Variants in CRACD observed in about 807,000 individuals in gnomAD.
CRACD encodes capping protein-inhibiting regulator of actin dynamics.
Under a neutral mutation model 106.8 loss-of-function variants are expected in CRACD, and 56 were observed. The ratio of observed to expected loss-of-function variants is 0.52; its 90% CI spans 0.42 to 0.66. The LOEUF (loss-of-function observed/expected upper bound fraction) is 0.66, where lower values mean the gene tolerates loss of function less well. CRACD is among the 30% of genes least tolerant of loss of function. The pLI, the probability that CRACD is intolerant of heterozygous loss-of-function variation, is 0.00. For missense variants in CRACD, 1,730 were observed against 1,623.2 expected, an observed-to-expected ratio of 1.07 and a Z score of -1.13; for synonymous variants, 754 against 670.8, an observed-to-expected ratio of 1.12 and a Z score of -1.92.
intron 2 of CRACD, among the ~76,000 whole-genome samples, chr4:56,221,163 G>C (rs1196134979): frequency 1.3e-5 from 2 of 152,134 alleles, no homozygotes; most frequent in Non-Finnish European, 2.9e-5. Flanking sequence ...TGTAAATTTT[G>C]AAGCATGATC....
At chr4:56,189,512 A>G (rs1357303030) in intron 2 of CRACD, among the ~76,000 whole-genome samples, 1 of 149,740 alleles carries the variant, frequency 6.7e-6, no homozygotes, top group Non-Finnish European at 1.5e-5. Context: ...CTCGTCATTT[A>G]GCATTAGGTA....
chr4:56,158,398 A>ATTT lies in CRACD; in HGVS notation c.-335-20886_-335-20885insTTT, dbSNP rs1560466972. Among the ~76,000 whole-genome samples the ATTT allele has an allele frequency of 1.0e-3, 157 of 151,038 alleles. 1 individual carries two copies. Among genetic ancestry groups the ATTT allele is most frequent in the Admixed American group, 3.2e-3 (48 of 15,168 alleles). On this transcript the variant is annotated intron_variant, in intron 1 of 10. Transcript: ENST00000682029. ...AATAAATTTATGGTATTTTTTTTTA[A>ATTT]AAATAATTCCTCTAAAGGAAAGAAC...
At chr4:56,203,559 A>C (rs1737984894) in intron 2 of CRACD, among the ~76,000 whole-genome samples, 1 of 152,104 alleles carries the variant, frequency 6.6e-6, no homozygotes, top group Non-Finnish European at 1.5e-5. Flanking sequence ...CCAGAGTTGC[A>C]TATTGAACTG....
At chr4:56,238,300 G>A (rs1485475233) in intron 2 of CRACD, among the ~76,000 whole-genome samples, 3 of 152,216 alleles carry the variant, frequency 2.0e-5, no homozygotes, top group African/African-American at 7.2e-5. Context: ...AGAACAGCTA[G>A]GACAGCTGGC....
At chr4:56,251,179 G>A (rs989690405) in intron 2 of CRACD, among the ~76,000 whole-genome samples, 1 of 152,188 alleles carries the variant, frequency 6.6e-6, no homozygotes, top group Non-Finnish European at 1.5e-5. Flanking sequence ...AATAGAGTAT[G>A]CCTTGACCGC....
At chr4:56,187,584 A>AAACC (rs1224075385) in intron 2 of CRACD, among the ~76,000 whole-genome samples, 1 of 152,198 alleles carries the variant, frequency 6.6e-6, no homozygotes, top group Non-Finnish European at 1.5e-5. Flanking sequence ...AAAATACCCC[A>AAACC]AACCAACCAA....
intron 1 of CRACD, among the ~76,000 whole-genome samples, chr4:56,099,659 T>C (rs956563972): frequency 2.0e-5 from 3 of 152,170 alleles, no homozygotes; most frequent in Non-Finnish European, 4.4e-5. Context: ...ATTGAGACTT[T>C]CGTGGGCCAA....
intron 1 of CRACD, among the ~76,000 whole-genome samples, chr4:56,057,851 C>A (rs1245870598): frequency 2.4e-3 from 225 of 92,304 alleles, no homozygotes; most frequent in Middle Eastern, 6.4e-3. Flanking sequence ...CGGAGTCTCG[C>A]TCTGTCGCCC....
chr4:56,056,255 A>T (rs889397824), intron 1 of CRACD, among the ~76,000 whole-genome samples: 2 of 152,250 alleles, frequency 1.3e-5, no homozygotes, highest in African/African-American at 4.8e-5. Flanking sequence ...AGTTTAAAAA[A>T]AGCAAAACAC....
At chr4:56,122,325 G>T (rs1251712688) in intron 1 of CRACD, among the ~76,000 whole-genome samples, 2 of 120,128 alleles carry the variant, frequency 1.7e-5, no homozygotes, top group South Asian at 2.7e-4. Flanking sequence ...AAAAAAAAAA[G>T]AATTTTTAAA....
intron 4 of CRACD, among the ~76,000 whole-genome samples, chr4:56,305,252 G>T (rs1300592685): frequency 6.6e-6 from 1 of 152,132 alleles, no homozygotes; most frequent in African/African-American, 2.4e-5. Flanking sequence ...TCCACTGTAA[G>T]CACAAGAAAT....
At chr4:56,300,417 T>C (rs552446438) in intron 4 of CRACD, among the ~76,000 whole-genome samples, 1 of 152,320 alleles carries the variant, frequency 6.6e-6, no homozygotes, top group South Asian at 2.1e-4. Context: ...CTAACTGGCT[T>C]CCATTCTTGG....
At chr4:56,120,853 G>A (rs548522174) in intron 1 of CRACD, among the ~76,000 whole-genome samples, 3 of 152,164 alleles carry the variant, frequency 2.0e-5, no homozygotes, top group African/African-American at 2.4e-5. Flanking sequence ...TTTGATTTGG[G>A]TTGTCCTGCC....
At chr4:56,189,970 T>TC (rs1193469895) in intron 2 of CRACD, among the ~76,000 whole-genome samples, 51 of 48,128 alleles carry the variant, frequency 1.1e-3, no homozygotes, top group African/African-American at 4.1e-3. Context: ...CCCTCCCCCC[T>TC]CCCCCCACCC....
chr4:56,130,623 A>T (rs114366084), intron 1 of CRACD, among the ~76,000 whole-genome samples: 1,555 of 152,234 alleles, frequency 0.01, 24 homozygotes, highest in African/African-American at 0.035. Context: ...TTGAAATTTT[A>T]AAAAAAGGCT....
chr4:56,146,994 G>A (rs1735408800), intron 1 of CRACD, among the ~76,000 whole-genome samples: 1 of 152,176 alleles, frequency 6.6e-6, no homozygotes, highest in African/African-American at 2.4e-5. Flanking sequence ...GGAAATATGC[G>A]GGAGTGGTGG....
At chr4:56,079,140 G>A (rs1175939237) in intron 1 of CRACD, among the ~76,000 whole-genome samples, 2 of 152,160 alleles carry the variant, frequency 1.3e-5, no homozygotes, top group Admixed American at 1.3e-4. Flanking sequence ...CAGGGAAGAG[G>A]AGGCCATTTA....
At chr4:56,306,829 C>T (rs904104698) in intron 4 of CRACD, among the ~76,000 whole-genome samples, 3 of 152,200 alleles carry the variant, frequency 2.0e-5, no homozygotes, top group Non-Finnish European at 4.4e-5. Flanking sequence ...CATTTGGTTC[C>T]TCTGTCTCCT....
intron 1 of CRACD, among the ~76,000 whole-genome samples, chr4:56,121,447 C>T (rs1480190832): frequency 4.6e-5 from 7 of 152,100 alleles, no homozygotes; most frequent in Non-Finnish European, 1.5e-5. Context: ...AGTTTGAGAC[C>T]AGCCTGGCCA....
Sources: allele counts gnomAD v4.1 joint callset (sites outside exome capture counted in the v4.1 genomes callset), GRCh38; gene constraint gnomAD v4.1.1; transcripts MANE v1.5; gene names NCBI Gene and HGNC (gene_info 2026-07-23, HGNC 2026-07-21).